CACNA1I: variants seen among roughly 807,000 people sequenced by gnomAD.
The protein encoded by CACNA1I is voltage-dependent T-type calcium channel subunit alpha-1I.
A neutral mutation model predicts 201.6 loss-of-function variants in CACNA1I; 74 were observed. The observed-to-expected ratio is 0.37, with a 90% CI of 0.30 to 0.45. The LOEUF is 0.45. Ranked by LOEUF, CACNA1I falls within the 20% of genes least tolerant of loss-of-function variation. CACNA1I has a pLI of 1.00. For missense variants in CACNA1I, 2,346 were observed against 3,138.1 expected (o/e 0.75, Z 6.03); for synonymous variants, 1,431 against 1,345.2 (o/e 1.06, Z -1.40).
intron 33 of CACNA1I, 136 bp from the exon 34 acceptor site, chr22:39,680,794 G>A (rs1287234240): frequency 9.8e-6 from 9 of 918,854 alleles, no homozygotes; most frequent in Non-Finnish European, 1.2e-5. Flanking sequence ...CATCATCCGT[G>A]TCCAGCAGGT....
At chr22:39,645,934 C>T (rs1934474405) in intron 7 of CACNA1I, among the ~76,000 whole-genome samples, 1 of 152,188 alleles carries the variant, frequency 6.6e-6, no homozygotes, top group African/African-American at 2.4e-5. Context: ...TCTGGGGTCC[C>T]AGCTGAGGCC....
At chr22:39,628,491 C>T (rs1011082744) in intron 4 of CACNA1I, among the ~76,000 whole-genome samples, 3 of 151,936 alleles carry the variant, frequency 2.0e-5, no homozygotes, top group South Asian at 2.1e-4. Flanking sequence ...AGGGTGTGAG[C>T]GCAGCCAGCT....
chr22:39,619,486 G>GGGGGCCC, intron 4 of CACNA1I, 79 bp downstream of exon 4: 1 of 1,037,940 alleles, frequency 9.6e-7, no homozygotes, highest in Non-Finnish European at 1.5e-6. Context: ...CCTAGCCAAT[G>GGGGGCCC]CCCACCCCCC....
intron 10 of CACNA1I, 111 bp downstream of exon 10, chr22:39,650,036 C>CTA: frequency 2.5e-6 from 3 of 1,183,946 alleles, no homozygotes; most frequent in Non-Finnish European, 3.7e-6. Context: ...GTCTGTCCAC[C>CTA]TAGAAGTGCC....
chr22:39,685,856 C>A lies in CACNA1I; in HGVS notation c.6123C>A (p.Ser2041Arg), dbSNP rs1259461275. The A allele has an allele frequency of 2.7e-6, 4 of 1,475,992 alleles. No homozygotes were observed. The highest frequency in any genetic ancestry group is 1.3e-5 in the South Asian group (1 of 77,756). The allele number at this position is 1,475,992 out of a possible 1,614,324, so 91.4% of individuals were successfully genotyped here. The change falls in exon 37 of 37, where the codon AGC becomes AGA. Residue 2041 changes from serine (S) to arginine (R), a missense_variant. Around this residue, in one of 13 missense-constraint regions of CACNA1I, gnomAD observed 441 missense variants for 555.6 expected, o/e 0.79. Transcript: ENST00000402142. The surrounding 1 kb of genome is among the most constrained non-coding windows in gnomAD (Gnocchi z 5.0). ...AGGACAGCCTGACCCTGAGCGACAG[C>A]CCCCGGCGTGCCCTGGGGCCGCCCG... ...TLEDSLTLSD[S>R]PRRALGPPAP...
In CACNA1I at chr22:39,685,622, C is replaced by T. The variant is rs1601535997; in HGVS notation, c.6028-139C>T. 11 of 689,002 alleles carry T rather than the reference C, an allele frequency of 1.6e-5. No homozygotes were observed. Among genetic ancestry groups the T allele is most frequent in the Middle Eastern group, 4.1e-4 (1 of 2,414 alleles). 42.7% of individuals were successfully genotyped at this position (689,002 alleles called of 1,614,324 possible). On this transcript the variant is annotated intron_variant, in intron 36 of 36. Transcript: ENST00000402142. This position sits in a 1 kb window ranked among gnomAD's most constrained non-coding sequence, Gnocchi z 5.0. ...GGTGACGCCGCCTAAGCTGGACGTG[C>T]GGAGGGGAGAAGCCCTGCTCCGAAG...
chr22:39,583,383 TCCATCCA>T (rs1569047085), intron 1 of CACNA1I, among the ~76,000 whole-genome samples: 2 of 151,196 alleles, frequency 1.3e-5, no homozygotes, highest in Non-Finnish European at 1.5e-5. Flanking sequence ...CATCCATCCA[TCCATCCA>T]TCCATCCATT....
chr22:39,653,008 C>T (rs951131219), intron 10 of CACNA1I, among the ~76,000 whole-genome samples: 1 of 151,394 alleles, frequency 6.6e-6, no homozygotes, highest in Non-Finnish European at 1.5e-5. Flanking sequence ...TCACCTGGCA[C>T]CCCCCATCTG....
At chr22:39,616,680 C>A (rs1933545989) in intron 3 of CACNA1I, among the ~76,000 whole-genome samples, 2 of 150,654 alleles carry the variant, frequency 1.3e-5, no homozygotes, top group African/African-American at 4.9e-5. Flanking sequence ...AGGAGAATCG[C>A]TTGAACCCGG....
At chr22:39,681,734 G>C (rs1056544314) in intron 34 of CACNA1I, among the ~76,000 whole-genome samples, 3 of 151,960 alleles carry the variant, frequency 2.0e-5, no homozygotes, top group Non-Finnish European at 4.4e-5. Flanking sequence ...GGGGGTGGGG[G>C]GTGTAAGGGA....
At chr22:39,647,568 T>C (rs1396042359) in intron 8 of CACNA1I, among the ~76,000 whole-genome samples, 1 of 152,194 alleles carries the variant, frequency 6.6e-6, no homozygotes, top group Non-Finnish European at 1.5e-5. Context: ...TGCACCACCA[T>C]GCCCGGCTAA....
Position 39,687,348 on chromosome 22 carries a change from G to T in CACNA1I, c.*943G>T, listed in dbSNP as rs542310345. ...CTTGCTTGGAGGGGCTAGGGTACCC[G>T]CCTGGTCTCGGCTGGCTCCAGCTGC... On this transcript the variant is annotated 3_prime_UTR_variant, in exon 37 of 37. Coordinates refer to ENST00000402142, the MANE Select transcript of CACNA1I (RefSeq NM_021096.4). 4.7e-3 allele frequency: 718 copies of T among 152,120 alleles called. 5 individuals carry two copies. The highest frequency in any genetic ancestry group is 5.0e-3 in the Non-Finnish European group (337 of 68,052). 9.4% of individuals were successfully genotyped at this position (152,120 alleles called of 1,614,324 possible).
chr22:39,667,716 A>C (rs1856621854), intron 23 of CACNA1I, among the ~76,000 whole-genome samples: 1 of 151,962 alleles, frequency 6.6e-6, no homozygotes, highest in African/African-American at 2.4e-5. Context: ...AAAACCAGGG[A>C]GAGGAGTTAT....
At chr22:39,644,425 A>G (rs573780737) in intron 7 of CACNA1I, among the ~76,000 whole-genome samples, 82 of 152,320 alleles carry the variant, frequency 5.4e-4, no homozygotes, top group African/African-American at 1.9e-3. Flanking sequence ...GTGAGTACTC[A>G]GTACATGTGC....
chr22:39,599,597 C>T (rs1227221864), intron 2 of CACNA1I, among the ~76,000 whole-genome samples: 4 of 122,206 alleles, frequency 3.3e-5, no homozygotes, highest in Admixed American at 1.9e-4. Flanking sequence ...CCAGCCTGGG[C>T]GACAGAGCGA....
In CACNA1I at chr22:39,619,400, C is replaced by T. The variant is rs764399264; in HGVS notation, c.573C>T (p.Arg191=). ...TGAGGCCCCTCAAAGCCATCAACCG[C>T]GTGCCCAGTGAGTCAGCCCCGCCCT... The part of the protein sequence containing the change: ...RVLRPLKAIN[R]VPSMRILVNL... The change falls in exon 4 of 37, where the codon CGC becomes CGT. Residue 191 remains arginine, a synonymous_variant. Transcript: ENST00000402142. 9 of 1,606,744 alleles carry T rather than the reference C, an allele frequency of 5.6e-6. No individual in the cohort carries two copies. Among genetic ancestry groups the T allele is most frequent in the African/African-American group, 2.7e-5 (2 of 75,028 alleles).
At chr22:39,596,020 GA>G (rs1450456056) in intron 1 of CACNA1I, among the ~76,000 whole-genome samples, 1 of 149,014 alleles carries the variant, frequency 6.7e-6, no homozygotes. Flanking sequence ...CTCAGCCCTT[GA>G]AGTGGGAACA....
chr22:39,633,604 G>A (rs1045478827), intron 4 of CACNA1I, among the ~76,000 whole-genome samples: 3 of 152,264 alleles, frequency 2.0e-5, no homozygotes, highest in South Asian at 2.1e-4. Context: ...TAGGAAGAGG[G>A]AACAGCAGGG....
intron 3 of CACNA1I, among the ~76,000 whole-genome samples, chr22:39,619,054 T>C (rs7288420): frequency 0.4 from 60,704 of 152,100 alleles, 13,215 homozygotes; most frequent in Non-Finnish European, 0.5. Flanking sequence ...GGGCACACAG[T>C]GGGAGCCCAA....
Sources: gnomAD v4.1 joint callset for allele counts (sites outside exome capture counted in the v4.1 genomes callset) on GRCh38, gnomAD v4.1.1 for gene constraint, gnomAD v4.1.1 regional missense constraint, Gnocchi (gnomAD v3.1) non-coding constraint, MANE v1.5 for transcripts, NCBI Gene and HGNC (gene_info 2026-07-23, HGNC 2026-07-21) for gene names.